Variants in LRIF1 observed in about 807,000 individuals in gnomAD.
The protein encoded by LRIF1 is ligand dependent nuclear receptor interacting factor 1.
Under a neutral mutation model 52.7 loss-of-function variants are expected in LRIF1, and 32 were observed. The ratio of observed to expected loss-of-function variants is 0.61; its 90% CI spans 0.46 to 0.82. The LOEUF is 0.82. Among genes scored for constraint, LRIF1 ranks in the 40% least tolerant of loss-of-function variants. The pLI is 0.00. For synonymous variants in LRIF1, 323 were observed against 317.4 expected (o/e 1.02, Z -0.19); for missense variants, 887 against 892.0 (o/e 0.99, Z 0.07).
At chr1:110,953,992 T>C (rs1658592473) in intron 1 of LRIF1, among the ~76,000 whole-genome samples, 1 of 152,186 alleles carries the variant, frequency 6.6e-6, no homozygotes, top group Admixed American at 6.5e-5. Flanking sequence ...ATTCTACCAA[T>C]ATGAGTGCAG....
the LRIF1 span, among the ~76,000 whole-genome samples, chr1:110,931,953 A>T: frequency 3.3e-5 from 5 of 151,630 alleles, no homozygotes; most frequent in Admixed American, 6.6e-5. Flanking sequence ...CACTCTGATG[A>T]GTTTCTTTTG....
rs1466555112 is a variant in LRIF1 at position 110,947,403 on chromosome 1, T to C, written c.*556A>G. The C allele has an allele frequency of 6.6e-6, 1 of 152,176 alleles. No homozygotes were observed. The highest frequency in any genetic ancestry group is 6.5e-5 in the Admixed American group (1 of 15,270). 9.4% of individuals were successfully genotyped at this position (152,176 alleles called of 1,614,324 possible). A position where few individuals can be genotyped will look rare whatever the true frequency, so the allele number is the denominator to read the frequency against. On this transcript the variant is annotated 3_prime_UTR_variant, in exon 4 of 4. Transcript: ENST00000369763. The stretch of plus-strand genomic sequence containing the variant: ...TACATTGTAAAGTTACAAATGTTGC[T>C]CATTCTTGAGAAATGTTTGAATGTT...
At chr1:110,877,289 G>A in the LRIF1 span, among the ~76,000 whole-genome samples, 1 of 152,128 alleles carries the variant, frequency 6.6e-6, no homozygotes, top group African/African-American at 2.4e-5. Context: ...ATTTTTGATA[G>A]GAATACCAAC....
the LRIF1 span, chr1:110,891,300 G>A: frequency 1.1e-6 from 1 of 891,322 alleles, no homozygotes; most frequent in South Asian, 1.4e-5. Context: ...CAAACCCAAG[G>A]TAATGCTAGA....
chr1:110,894,909 G>T, the LRIF1 span: 12 of 1,403,890 alleles, frequency 8.5e-6, no homozygotes, highest in Middle Eastern at 1.8e-4. Flanking sequence ...CTTATTCCTT[G>T]AACTCACCTG....
the LRIF1 span, among the ~76,000 whole-genome samples, chr1:110,933,984 A>G: frequency 6.6e-6 from 1 of 152,126 alleles, no homozygotes; most frequent in Non-Finnish European, 1.5e-5. Flanking sequence ...TTTGTCTTGT[A>G]TCTTGTATAC....
rs1658461767 is a variant in LRIF1 at position 110,951,272 on chromosome 1, G to C, written c.1596+16C>G. The C allele has an allele frequency of 1.3e-6, 2 of 1,590,536 alleles. No homozygotes were observed. The highest frequency in any genetic ancestry group is 8.5e-7 in the Non-Finnish European group (1 of 1,169,876). ...TATAGATATATAAAAAGAGCACCCT[G>C]ACATGGGAAAATTACCTTTGGTTCT... On this transcript the variant is annotated intron_variant, in intron 2 of 3. Coordinates refer to ENST00000369763, the MANE Select transcript of LRIF1 (RefSeq NM_018372.4).
chr1:110,886,869 A>ATATATTTTT, the LRIF1 span, among the ~76,000 whole-genome samples: 758 of 82,698 alleles, frequency 9.2e-3, 10 homozygotes, highest in East Asian at 0.034. Flanking sequence ...ATATATATAT[A>ATATATTTTT]TTTTTTTTTT....
chr1:110,890,174 G>C, the LRIF1 span, among the ~76,000 whole-genome samples: 6 of 152,126 alleles, frequency 3.9e-5, no homozygotes, highest in African/African-American at 1.4e-4. Flanking sequence ...AATTTTAATG[G>C]AAAAAAATCA....
chr1:110,920,691 T>C, the LRIF1 span, among the ~76,000 whole-genome samples: 1 of 152,216 alleles, frequency 6.6e-6, no homozygotes, highest in African/African-American at 2.4e-5. Context: ...TTTGGGGTGA[T>C]AACGATGTGT....
At chr1:110,900,742 C>T in the LRIF1 span, among the ~76,000 whole-genome samples, 2 of 129,270 alleles carry the variant, frequency 1.5e-5, no homozygotes, top group South Asian at 5.2e-4. Context: ...AATTGTTCAG[C>T]TCACACTCAA....
chr1:110,963,279 C>T lies in LRIF1; in HGVS notation c.68+342G>A, dbSNP rs532996418. ...CTAATCCGTGCTGACTGCTGCGTTTCTGCGTGTGCGTGAGAATCTTCCAGA... is the reference window on the plus strand; with the variant it reads ...CTAATCCGTGCTGACTGCTGCGTTTTTGCGTGTGCGTGAGAATCTTCCAGA... On this transcript the variant is annotated intron_variant, in intron 1 of 3. Transcript: ENST00000369763. 3.3e-5 allele frequency: 6 copies of T among 180,452 alleles called. No homozygotes were observed. In the South Asian group the frequency reaches 4.1e-4, roughly 12 times the overall value. The allele number at this position is 180,452 out of a possible 1,614,324, so 11.2% of individuals were successfully genotyped here.
the LRIF1 span, among the ~76,000 whole-genome samples, chr1:110,928,406 T>C: frequency 6.6e-6 from 1 of 152,186 alleles, no homozygotes; most frequent in East Asian, 1.9e-4. Context: ...GTCTTAAAAC[T>C]AGAATGAGAC....
the LRIF1 span, among the ~76,000 whole-genome samples, chr1:110,925,644 A>G: frequency 2.0e-5 from 3 of 152,202 alleles, no homozygotes; most frequent in Non-Finnish European, 2.9e-5. Flanking sequence ...AAGACAAAAA[A>G]AGAGAGATAA....
intron 1 of LRIF1, among the ~76,000 whole-genome samples, chr1:110,957,998 T>C (rs1224236239): frequency 6.6e-6 from 1 of 152,232 alleles, no homozygotes; most frequent in Non-Finnish European, 1.5e-5. Flanking sequence ...CTACAGTATT[T>C]TGCTGATGTT....
intron 1 of LRIF1, 27 bp downstream of exon 1, chr1:110,963,594 T>G (rs773294148): frequency 6.3e-7 from 1 of 1,591,860 alleles, no homozygotes; most frequent in Non-Finnish European, 8.6e-7. Flanking sequence ...GGGGCAGCCG[T>G]GGGGAGGATT....
chr1:110,929,801 G>A, the LRIF1 span, among the ~76,000 whole-genome samples: 2 of 152,124 alleles, frequency 1.3e-5, no homozygotes, highest in Non-Finnish European at 2.9e-5. Context: ...ATAAATGGGA[G>A]CTAAATGATG....
At position 110,952,428 on chromosome 1, in the gene LRIF1, A is replaced by G; in HGVS notation, c.456T>C (p.Val152=). 1.2e-6 allele frequency: 2 copies of G among 1,612,104 alleles called. No homozygotes were observed. The highest frequency in any genetic ancestry group is 1.7e-6 in the Non-Finnish European group (2 of 1,178,228). The part of the protein sequence containing the change: ...IDGLTMQTFA[V]PPSTQKDSSF... ...ATGAGTCTTTTTGTGTTGAGGGAGG[A>G]ACAGCAAATGTTTGCATGGTGAGTC... The change falls in exon 2 of 4, where the codon GTT becomes GTC. Residue 152 remains valine (V), a synonymous_variant. Transcript: ENST00000369763.
chr1:110,884,549 G>A, the LRIF1 span, among the ~76,000 whole-genome samples: 3 of 152,126 alleles, frequency 2.0e-5, no homozygotes, highest in South Asian at 2.1e-4. Context: ...ACTATTGAGA[G>A]AAGGATATTG....
Sources: gnomAD v4.1 joint callset for allele counts (sites outside exome capture counted in the v4.1 genomes callset) on GRCh38, gnomAD v4.1.1 for gene constraint, MANE v1.5 for transcripts, NCBI Gene and HGNC (gene_info 2026-07-23, HGNC 2026-07-21) for gene names.